Variants in TRDN observed in about 807,000 individuals in gnomAD.
TRDN encodes the protein triadin in skeletal muscle.
In TRDN, 161 loss-of-function variants were observed where a neutral mutation model predicts 149.7. That is an observed-to-expected ratio of 1.08 (90% CI 0.95 to 1.23). The LOEUF (loss-of-function observed/expected upper bound fraction) is 1.23, where lower values mean the gene tolerates loss of function less well. Among genes scored for constraint, TRDN ranks in the 50% most tolerant of loss-of-function variants. TRDN has a pLI of 0.00. For synonymous variants in TRDN, 294 were observed against 250.5 expected, an observed-to-expected ratio of 1.17 and a Z score of -1.64; for missense variants, 896 against 823.5, an observed-to-expected ratio of 1.09 and a Z score of -1.08.
At chr6:123,522,317 G>A (rs1473587493) in intron 5 of TRDN, among the ~76,000 whole-genome samples, 1 of 151,908 alleles carries the variant, frequency 6.6e-6, no homozygotes, top group East Asian at 1.9e-4. Context: ...GATTTGTTCT[G>A]TTCTACAAGT....
chr6:123,616,897 T>C (rs1785117051), intron 1 of TRDN, among the ~76,000 whole-genome samples: 2 of 152,218 alleles, frequency 1.3e-5, no homozygotes, highest in South Asian at 4.1e-4. Flanking sequence ...ACAAAGATTG[T>C]TTCAGAAGTT....
intron 24 of TRDN, among the ~76,000 whole-genome samples, chr6:123,310,390 G>T (rs1778774803): frequency 6.6e-6 from 1 of 151,994 alleles, no homozygotes; most frequent in South Asian, 2.1e-4. Context: ...TATTCAAAAA[G>T]AAAAGGAAAT....
intron 20 of TRDN, among the ~76,000 whole-genome samples, chr6:123,359,353 C>T (rs1780809852): frequency 6.6e-6 from 1 of 152,116 alleles, no homozygotes; most frequent in Admixed American, 6.5e-5. Context: ...GTTCTTGGGG[C>T]ACTCTATATG....
At chr6:123,598,781 A>G (rs1009127172) in intron 1 of TRDN, among the ~76,000 whole-genome samples, 1 of 152,110 alleles carries the variant, frequency 6.6e-6, no homozygotes, top group African/African-American at 2.4e-5. Context: ...CTTTACAAAA[A>G]GAGTTCGCCA....
At chr6:123,562,706 A>G (rs763819650) in intron 2 of TRDN, among the ~76,000 whole-genome samples, 1 of 152,262 alleles carries the variant, frequency 6.6e-6, no homozygotes, top group Non-Finnish European at 1.5e-5. Flanking sequence ...CCTGAAGTAC[A>G]TTGGATTCTA....
intron 4 of TRDN, among the ~76,000 whole-genome samples, chr6:123,535,015 T>C (rs778326017): frequency 6.6e-6 from 1 of 152,168 alleles, no homozygotes; most frequent in Non-Finnish European, 1.5e-5. Context: ...GTTGGAATCA[T>C]AAGCCATATT....
chr6:123,315,407 C>T (rs1778987936), intron 24 of TRDN, among the ~76,000 whole-genome samples: 1 of 151,684 alleles, frequency 6.6e-6, no homozygotes, highest in African/African-American at 2.4e-5. Flanking sequence ...TTTAAATGGG[C>T]ATGCTTATTC....
intron 38 of TRDN, among the ~76,000 whole-genome samples, chr6:123,240,370 C>T (rs1775946380): frequency 6.6e-6 from 1 of 151,650 alleles, no homozygotes; most frequent in African/African-American, 2.4e-5. Flanking sequence ...TCTCCCAAAA[C>T]TTCATTTTCC....
intron 19 of TRDN, among the ~76,000 whole-genome samples, chr6:123,373,964 C>T (rs1781415895): frequency 6.6e-6 from 1 of 152,138 alleles, no homozygotes; most frequent in Admixed American, 6.5e-5. Context: ...AATTCTCCTG[C>T]TGTATGACTT....
At chr6:123,386,244 T>C (rs1168604796) in intron 14 of TRDN, among the ~76,000 whole-genome samples, 1 of 152,190 alleles carries the variant, frequency 6.6e-6, no homozygotes, top group Non-Finnish European at 1.5e-5. Flanking sequence ...TGGAAGATTA[T>C]ACATGCAGGA....
At chr6:123,353,465 A>T (rs916689257) in intron 20 of TRDN, among the ~76,000 whole-genome samples, 3 of 151,884 alleles carry the variant, frequency 2.0e-5, no homozygotes, top group Non-Finnish European at 4.4e-5. Flanking sequence ...TATCATCTCT[A>T]AAGTATTATT....
chr6:123,382,112 C>T lies in TRDN; in HGVS notation c.1165+6G>A. On this transcript the variant is annotated splice_donor_region_variant and intron_variant, in intron 15 of 40. Coordinates refer to ENST00000334268, the MANE Select transcript of TRDN (RefSeq NM_006073.4). ...TAAGGCAGAAAAAAAGAAATATGTC[C>T]AGTACCTTCTGCAGGTTTTTTTGTT... 1.3e-6 allele frequency: 2 copies of T among 1,492,756 alleles called. No individual in the cohort carries two copies. The highest frequency in any genetic ancestry group is 1.4e-5 in the African/African-American group (1 of 69,174). 92.5% of individuals were successfully genotyped at this position (1,492,756 alleles called of 1,614,324 possible). A position where few individuals can be genotyped will look rare whatever the true frequency, so the allele number is the denominator to read the frequency against.
At chr6:123,276,357 G>A (rs983091362) in intron 26 of TRDN, among the ~76,000 whole-genome samples, 9 of 152,104 alleles carry the variant, frequency 5.9e-5, no homozygotes, top group African/African-American at 2.2e-4. Flanking sequence ...TAGCTTAATT[G>A]TGTTCTTCTG....
intron 2 of TRDN, among the ~76,000 whole-genome samples, chr6:123,560,569 G>A (rs1781930902): frequency 1.3e-5 from 2 of 152,140 alleles, no homozygotes; most frequent in Non-Finnish European, 2.9e-5. Flanking sequence ...TAAAAAAGCA[G>A]CCATCAAAAG....
chr6:123,266,260 A>G (rs58299405), intron 32 of TRDN, among the ~76,000 whole-genome samples: 2 of 99,342 alleles, frequency 2.0e-5, no homozygotes, highest in Non-Finnish European at 3.6e-5. Flanking sequence ...TATATTATAT[A>G]TTATATATAG....
At chr6:123,529,383 C>A (rs1251188005) in intron 5 of TRDN, 2 of 1,536,516 alleles carry the variant, frequency 1.3e-6, no homozygotes, top group African/African-American at 1.4e-5. Flanking sequence ...TAGGTTTCAA[C>A]TGAGTGAGCT....
At position 123,630,266 on chromosome 6, in the gene TRDN, T is replaced by G. The variant is rs185149273; in HGVS notation, c.22+6488A>C. Among the ~76,000 whole-genome samples, 520 of 152,192 alleles carry G rather than the reference T, an allele frequency of 3.4e-3. 6 individuals carry two copies. Among genetic ancestry groups the G allele is most frequent in the Admixed American group, 0.014 (207 of 15,262 alleles). On this transcript the variant is annotated intron_variant, in intron 1 of 40. Transcript: ENST00000334268. ...TTTGTTTGAAAGAAGAAAAGAATAA[T>G]GTTTTAATACTATCTTTAAGCTCCA... is the stretch of plus-strand genomic sequence containing the variant.
At position 123,404,459 on chromosome 6, in the gene TRDN, G is replaced by GT. The variant is rs199841954; in HGVS notation, c.1052-10783dup. Among the ~76,000 whole-genome samples the GT allele has an allele frequency of 3.3e-3, 503 of 151,940 alleles. 14 individuals are homozygous for GT. The East Asian group carries it at 0.077, about 23-fold the overall frequency. On this transcript the variant is annotated intron_variant, in intron 12 of 40. Coordinates refer to ENST00000334268, the MANE Select transcript of TRDN (RefSeq NM_006073.4). Reference sequence around the variant, plus strand: ...TGTAATGTGTGGTGAACTATTTTTTGTTTTTTTGTGTTTTGAGAAGTTTCT... The same window carrying GT: ...TGTAATGTGTGGTGAACTATTTTTTGTTTTTTTTGTGTTTTGAGAAGTTTCT...
intron 1 of TRDN, among the ~76,000 whole-genome samples, chr6:123,603,169 A>G (rs1784359791): frequency 2.6e-5 from 1 of 38,860 alleles, no homozygotes; most frequent in Non-Finnish European, 7.5e-5. Flanking sequence ...CTGTGTACAC[A>G]TAATCTAAAC....
Sources: gnomAD v4.1 joint callset for allele counts (sites outside exome capture counted in the v4.1 genomes callset) on GRCh38, gnomAD v4.1.1 for gene constraint, MANE v1.5 for transcripts, NCBI Gene and HGNC (gene_info 2026-07-23, HGNC 2026-07-21) for gene names.